The following TMEM272 variants were observed in gnomAD, a reference collection of about 807,000 sequenced individuals.
TMEM272 encodes the protein transmembrane protein 272.
Under a neutral mutation model 3.7 loss-of-function variants are expected in TMEM272, and 8 were observed. That is an observed-to-expected ratio of 2.17 (90% CI 1.27 to 3.91). The LOEUF (loss-of-function observed/expected upper bound fraction) is 3.91. Among genes scored for constraint, TMEM272 ranks in the 30% most tolerant of loss-of-function variants. The pLI is 0.00. For synonymous variants in TMEM272, 63 were observed against 39.8 expected, an observed-to-expected ratio of 1.58 and a Z score of -2.20; for missense variants, 166 against 91.5, an observed-to-expected ratio of 1.81 and a Z score of -3.32.
At chr13:51,857,093 T>C in the TMEM272 span, among the ~76,000 whole-genome samples, 3 of 152,210 alleles carry the variant, frequency 2.0e-5, no homozygotes, top group South Asian at 6.2e-4. Context: ...TTTACAGAGA[T>C]TAAAATTCAT....
chr13:51,813,561 T>A lies in TMEM272; in HGVS notation c.*3190A>T. The A allele has an allele frequency of 3.4e-6, 1 of 296,084 alleles. No homozygotes were observed. Among genetic ancestry groups the A allele is most frequent in the Non-Finnish European group, 6.2e-6 (1 of 161,666 alleles). 18.3% of individuals were successfully genotyped at this position (296,084 alleles called of 1,614,324 possible). A position where few individuals can be genotyped will look rare whatever the true frequency, so the allele number is the denominator to read the frequency against. On this transcript the variant is annotated 3_prime_UTR_variant, in exon 5 of 5. Coordinates refer to ENST00000629372, the MANE Select transcript of TMEM272 (RefSeq NM_001351003.2). Reference sequence around the variant, plus strand: ...GACATAAGCCAGTCCAGGCTGTATGTGTGGCCCGAGTGCACACATGCGGTT... The same window carrying A: ...GACATAAGCCAGTCCAGGCTGTATGAGTGGCCCGAGTGCACACATGCGGTT...
At chr13:51,901,656 C>T in the TMEM272 span, among the ~76,000 whole-genome samples, 1 of 152,158 alleles carries the variant, frequency 6.6e-6, no homozygotes, top group Non-Finnish European at 1.5e-5. Context: ...CCAGTGCCCA[C>T]TCCATCCCAA....
the TMEM272 span, among the ~76,000 whole-genome samples, chr13:51,890,279 C>A: frequency 9.2e-5 from 14 of 152,182 alleles, no homozygotes; most frequent in African/African-American, 3.4e-4. Context: ...GAGGAGTTTG[C>A]ATCATGAGGG....
the TMEM272 span, among the ~76,000 whole-genome samples, chr13:51,891,122 G>T: frequency 1.3e-5 from 2 of 152,148 alleles, no homozygotes; most frequent in South Asian, 4.1e-4. Context: ...CACACGGAAT[G>T]TGCTGGCAGC....
the TMEM272 span, among the ~76,000 whole-genome samples, chr13:51,853,824 G>C: frequency 2.0e-5 from 3 of 152,114 alleles, no homozygotes; most frequent in Non-Finnish European, 2.9e-5. Context: ...CATAAGGATA[G>C]GAAATATATT....
At chr13:51,817,386 G>C (rs1355153339) in intron 4 of TMEM272, among the ~76,000 whole-genome samples, 1 of 152,180 alleles carries the variant, frequency 6.6e-6, no homozygotes, top group South Asian at 2.1e-4. Context: ...TGTGTGAGTT[G>C]GTTTGGACAA....
chr13:51,858,660 G>A, the TMEM272 span, among the ~76,000 whole-genome samples: 3 of 152,302 alleles, frequency 2.0e-5, no homozygotes, highest in East Asian at 3.9e-4. Flanking sequence ...GGGTTCTTTG[G>A]GTTCTTGTCA....
At chr13:51,836,271 C>T (rs185102904) in intron 2 of TMEM272, among the ~76,000 whole-genome samples, 34 of 152,316 alleles carry the variant, frequency 2.2e-4, no homozygotes, top group Middle Eastern at 3.4e-3. Flanking sequence ...CCCCAGCTGC[C>T]GGCCTCTCAT....
the TMEM272 span, chr13:51,866,013 T>C: frequency 6.2e-7 from 1 of 1,611,706 alleles, no homozygotes; most frequent in South Asian, 1.1e-5. Context: ...GAGCAGATGC[T>C]CGAAGATGGG....
chr13:51,846,444 T>G (rs533660063), upstream of TMEM272, among the ~76,000 whole-genome samples: 1 of 152,340 alleles, frequency 6.6e-6, no homozygotes, highest in South Asian at 2.1e-4. Flanking sequence ...GCCAATCACA[T>G]AAAAGTAAAG....
the TMEM272 span, chr13:51,909,994 C>G: frequency 6.4e-7 from 1 of 1,555,768 alleles, no homozygotes; most frequent in Non-Finnish European, 8.9e-7. Context: ...CTCGAAGCAT[C>G]TTGTATTCCT....
the TMEM272 span, among the ~76,000 whole-genome samples, chr13:51,882,755 CAAATAAAAAATATA>C: frequency 6.6e-6 from 1 of 151,030 alleles, no homozygotes; most frequent in Non-Finnish European, 1.5e-5. Flanking sequence ...AAATAAATAA[CAAATAAAAAATATA>C]AAATAAAATA....
At chr13:51,898,825 C>T in the TMEM272 span, among the ~76,000 whole-genome samples, 11 of 151,922 alleles carry the variant, frequency 7.2e-5, no homozygotes, top group Admixed American at 2.6e-4. Context: ...ACTGTGCCAC[C>T]GGCAACCTGT....
chr13:51,822,040 A>T lies in TMEM272; in HGVS notation c.201+15T>A, dbSNP rs770529082. On this transcript the variant is annotated intron_variant, in intron 4 of 4. Coordinates refer to ENST00000629372, the MANE Select transcript of TMEM272 (RefSeq NM_001351003.2). ...TTTCTACAAGGACTACAAACAGCAG[A>T]TAAAGATACTTTACCTTTAAGGTAC... is the stretch of plus-strand genomic sequence containing the variant. 6.3e-5 allele frequency: 44 copies of T among 702,464 alleles called. No individual in the cohort carries two copies. The highest frequency in any genetic ancestry group is 1.0e-4 in the Non-Finnish European group (39 of 385,006). The allele number at this position is 702,464 out of a possible 1,614,324, so 43.5% of individuals were successfully genotyped here. A position where few individuals can be genotyped will look rare whatever the true frequency, so the allele number is the denominator to read the frequency against.
chr13:51,910,321 T>C, the TMEM272 span: 1 of 1,363,524 alleles, frequency 7.3e-7, no homozygotes, highest in Non-Finnish European at 1.0e-6. Flanking sequence ...TCATACTCTT[T>C]TTGAACAAGG....
the TMEM272 span, among the ~76,000 whole-genome samples, chr13:51,869,350 G>A: frequency 1.1e-4 from 16 of 152,132 alleles, no homozygotes; most frequent in Non-Finnish European, 1.6e-4. Flanking sequence ...AGCATTAGAC[G>A]TCGTGCTATC....
the TMEM272 span, chr13:51,866,202 T>C: frequency 1.1e-6 from 1 of 886,002 alleles, no homozygotes. Context: ...AAAGATCCAA[T>C]AAAGTCCTGA....
the TMEM272 span, chr13:51,866,213 G>A: frequency 1.2e-6 from 1 of 824,634 alleles, no homozygotes; most frequent in Non-Finnish European, 1.8e-6. Flanking sequence ...AAAGTCCTGA[G>A]GCAAGGTTTG....
the TMEM272 span, among the ~76,000 whole-genome samples, chr13:51,874,905 G>C: frequency 6.6e-6 from 1 of 152,158 alleles, no homozygotes; most frequent in Non-Finnish European, 1.5e-5. Context: ...ACAATGCTTC[G>C]TGACAGCCTG....
Sources: allele counts gnomAD v4.1 joint callset (sites outside exome capture counted in the v4.1 genomes callset), GRCh38; gene constraint gnomAD v4.1.1; transcripts MANE v1.5; gene names NCBI Gene and HGNC (gene_info 2026-07-23, HGNC 2026-07-21).